TPRG1: variants seen among roughly 807,000 people sequenced by gnomAD.
TPRG1 encodes the protein tumor protein p63-regulated gene 1 protein.
TPRG1 carries 29 observed loss-of-function variants against 29.3 expected under a neutral mutation model. The observed-to-expected ratio is 0.99, with a 90% confidence interval of 0.74 to 1.35. TPRG1 has a LOEUF of 1.35. Among genes scored for constraint, TPRG1 ranks in the 40% most tolerant of loss-of-function variants. TPRG1 has a pLI of 0.00. For missense variants in TPRG1, 327 were observed against 335.0 expected (o/e 0.98, Z 0.19); for synonymous variants, 130 against 116.8 (o/e 1.11, Z -0.73).
At chr3:189,190,908 A>G in intron 1 of TPRG1, 2 of 976,430 alleles carry the variant, frequency 2.0e-6, no homozygotes, top group Non-Finnish European at 2.4e-6. Context: ...AAGGCTGATC[A>G]AAACCAAACA....
intron 4 of TPRG1, among the ~76,000 whole-genome samples, chr3:189,284,580 A>G (rs1717734555): frequency 6.6e-6 from 1 of 152,064 alleles, no homozygotes; most frequent in African/African-American, 2.4e-5. Flanking sequence ...TATATGTGCC[A>G]CATTTTCTTA....
intron 3 of TPRG1, chr3:189,219,681 T>C: frequency 7.8e-7 from 1 of 1,281,510 alleles, no homozygotes; most frequent in Non-Finnish European, 1.0e-6. Flanking sequence ...TTGAGGTGTC[T>C]TTGTCTACAA....
chr3:189,046,395 C>T (rs1237703527), intron 4 of TPRG1, among the ~76,000 whole-genome samples: 2 of 152,124 alleles, frequency 1.3e-5, no homozygotes, highest in African/African-American at 4.8e-5. Context: ...AGGAGAGTTG[C>T]AAAGATCCAC....
chr3:189,164,863 G>A lies in TPRG1; in HGVS notation c.-10+13991G>A, dbSNP rs533087337. On this transcript the variant is annotated intron_variant, in intron 5 of 6. Transcript: ENST00000412373. ...CCCATGTCCCCCTGGGGTCCCAAAC[G>A]TGCTTTAAGAAAACTCTGAGGAGCT... Among the ~76,000 whole-genome samples the A allele has an allele frequency of 3.3e-5, 5 of 152,288 alleles. No homozygotes were observed. In the East Asian group the frequency reaches 5.8e-4, roughly 18 times the overall value.
chr3:189,307,442 G>C (rs146678831), intron 4 of TPRG1, among the ~76,000 whole-genome samples: 1 of 152,182 alleles, frequency 6.6e-6, no homozygotes, highest in Non-Finnish European at 1.5e-5. Flanking sequence ...ATTTAAGAAT[G>C]CATAGTTTGT....
intron 3 of TPRG1, among the ~76,000 whole-genome samples, chr3:189,010,376 G>C (rs1387198500): frequency 6.6e-6 from 1 of 152,098 alleles, no homozygotes; most frequent in Non-Finnish European, 1.5e-5. Flanking sequence ...TTCCACAATG[G>C]CTGAGCTAAT....
intron 3 of TPRG1, among the ~76,000 whole-genome samples, chr3:189,234,023 AAC>A (rs2108919096): frequency 6.6e-6 from 1 of 152,228 alleles, no homozygotes; most frequent in Admixed American, 6.5e-5. Context: ...GCCGCGGACC[AAC>A]ACACCCAGCT....
chr3:189,034,114 C>T (rs926856598), intron 4 of TPRG1, among the ~76,000 whole-genome samples: 7 of 151,602 alleles, frequency 4.6e-5, no homozygotes, highest in Non-Finnish European at 7.4e-5. Context: ...TTCTAAGCAA[C>T]GAGAAGGAAA....
intron 1 of TPRG1, among the ~76,000 whole-genome samples, chr3:189,108,882 G>A (rs1720140387): frequency 1.3e-5 from 2 of 151,984 alleles, no homozygotes; most frequent in African/African-American, 2.4e-5. Flanking sequence ...TTTCCTAGCG[G>A]TGTTTCCATC....
intron 3 of TPRG1, among the ~76,000 whole-genome samples, chr3:189,217,480 A>G (rs1736248114): frequency 1.3e-5 from 2 of 152,110 alleles, no homozygotes; most frequent in South Asian, 4.2e-4. Flanking sequence ...GCACTTTGGA[A>G]CCCATCCATC....
At chr3:189,316,091 A>G (rs574745445) in intron 5 of TPRG1, among the ~76,000 whole-genome samples, 41 of 152,196 alleles carry the variant, frequency 2.7e-4, no homozygotes, top group Non-Finnish European at 5.4e-4. Flanking sequence ...AGTTTAGCTA[A>G]GTTTAAAGTG....
intron 1 of TPRG1, among the ~76,000 whole-genome samples, chr3:189,175,762 A>G (rs1212695725): frequency 6.6e-6 from 1 of 152,228 alleles, no homozygotes; most frequent in Non-Finnish European, 1.5e-5. Flanking sequence ...AAAATATGTT[A>G]AGCAACCTAT....
chr3:189,163,451 C>G (rs1381989722), intron 5 of TPRG1, among the ~76,000 whole-genome samples: 2 of 152,188 alleles, frequency 1.3e-5, no homozygotes, highest in African/African-American at 4.8e-5. Context: ...GTGATCAACT[C>G]TGACACGGGC....
At chr3:189,296,790 T>C (rs1180040747) in intron 4 of TPRG1, among the ~76,000 whole-genome samples, 1 of 152,230 alleles carries the variant, frequency 6.6e-6, no homozygotes, top group African/African-American at 2.4e-5. Context: ...AGGGAGATTA[T>C]ATGATAAAAG....
intron 1 of TPRG1, among the ~76,000 whole-genome samples, chr3:189,181,905 G>A (rs993914902): frequency 2.6e-5 from 4 of 152,220 alleles, no homozygotes; most frequent in African/African-American, 9.6e-5. Flanking sequence ...AGAGTTCCAT[G>A]TGACTGGGGA....
rs376191922 is a variant in TPRG1, at chr3:189,142,882, C to T, written c.-290-4702C>T. On this transcript the variant is annotated intron_variant, in intron 3 of 6. Coordinates refer to the TPRG1 transcript ENST00000412373. Reference sequence around the variant, plus strand: ...AACACTTCCAAACCTACTTTAATGTCAGCCTACTTCCCACCACCTCATTAA... The same window carrying T: ...AACACTTCCAAACCTACTTTAATGTTAGCCTACTTCCCACCACCTCATTAA... Among the ~76,000 whole-genome samples, 17 of 152,340 alleles carry T rather than the reference C, an allele frequency of 1.1e-4. No homozygotes were observed. In the South Asian group the frequency reaches 3.3e-3, roughly 30 times the overall value.
At position 189,320,988 on chromosome 3, in the gene TPRG1, A is replaced by G; in HGVS notation, c.*168A>G. The G allele has an allele frequency of 3.4e-6, 2 of 591,514 alleles. No homozygotes were observed. The highest frequency in any genetic ancestry group is 5.6e-6 in the Non-Finnish European group (2 of 355,860). The allele number at this position is 591,514 out of a possible 1,614,324, so 36.6% of individuals were successfully genotyped here. ...TTTAAAAGCTTGATTGGACTGATAG[A>G]TACACACTTTAGACCTCATACAAGA... On this transcript the variant is annotated 3_prime_UTR_variant, in exon 6 of 6. Coordinates refer to ENST00000345063, the MANE Select transcript of TPRG1 (RefSeq NM_198485.4).
At chr3:189,296,330 T>C (rs1290316787) in intron 4 of TPRG1, among the ~76,000 whole-genome samples, 2 of 152,232 alleles carry the variant, frequency 1.3e-5, no homozygotes, top group Non-Finnish European at 2.9e-5. Context: ...TGAAAAAGCT[T>C]AGAAATTAGA....
intron 4 of TPRG1, among the ~76,000 whole-genome samples, chr3:189,295,033 C>T (rs1014470787): frequency 6.6e-6 from 1 of 152,250 alleles, no homozygotes; most frequent in Non-Finnish European, 1.5e-5. Flanking sequence ...AACTCCAACA[C>T]TTTCCCACAT....
Sources: allele counts gnomAD v4.1 joint callset (sites outside exome capture counted in the v4.1 genomes callset), GRCh38; gene constraint gnomAD v4.1.1; transcripts MANE v1.5; gene names NCBI Gene and HGNC (gene_info 2026-07-23, HGNC 2026-07-21).